Variants in NDST2 observed in about 807,000 individuals in gnomAD.
NDST2 encodes bifunctional heparan sulfate N-deacetylase/N-sulfotransferase 2.
In NDST2, 32 loss-of-function variants were observed where a neutral mutation model predicts 86.9. The ratio of observed to expected loss-of-function variants is 0.37; its 90% CI spans 0.28 to 0.49. The LOEUF (loss-of-function observed/expected upper bound fraction) is 0.49. Among genes scored for constraint, NDST2 ranks in the 20% least tolerant of loss-of-function variants. NDST2 has a pLI of 0.97. For missense variants in NDST2, 950 were observed against 1,146.9 expected, an observed-to-expected ratio of 0.83 and a Z score of 2.48; for synonymous variants, 409 against 437.0, an observed-to-expected ratio of 0.94 and a Z score of 0.80.
rs868341014 is a variant in NDST2 at position 73,806,378 on chromosome 10, C to G, written c.1345G>C (p.Val449Leu). 5 of 1,614,090 alleles carry G rather than the reference C, an allele frequency of 3.1e-6. No individual in the cohort carries two copies. Among genetic ancestry groups the G allele is most frequent in the Non-Finnish European group, 4.2e-6 (5 of 1,179,996 alleles). ...HTQLYEAWKS[V>L]WGIQVTSTEE... ...GTGCTGGTCACCTGGATGCCCCACA[C>G]GGATTTCCAGGCCTCATAGAGCTGC... The change falls in exon 6 of 15, where the codon GTG becomes CTG. Residue 449 changes from valine (V) to leucine (L), a missense_variant. Around this residue, in one of 5 missense-constraint regions of NDST2, gnomAD observed 586 missense variants for 714.0 expected, o/e 0.82. Coordinates refer to ENST00000309979, the MANE Select transcript of NDST2 (RefSeq NM_003635.4). This position sits in a 1 kb window ranked among gnomAD's most constrained non-coding sequence, Gnocchi z 4.5.
chr10:73,811,450 G>GA (rs2132890216), intron 1 of NDST2, 24 bp downstream of exon 1: 1 of 152,254 alleles, frequency 6.6e-6, no homozygotes, highest in Non-Finnish European at 1.5e-5. Context: ...CGTGGGCGGG[G>GA]GGGTCTCCTC....
intron 11 of NDST2, 91 bp from the exon 12 acceptor site, chr10:73,803,450 G>A (rs534396769): frequency 1.9e-6 from 3 of 1,553,274 alleles, no homozygotes; most frequent in African/African-American, 2.7e-5. Flanking sequence ...CACAGCACGG[G>A]TACCCGTCCC....
chr10:73,802,902 C>T, intron 13 of NDST2, 70 bp downstream of exon 13: 1 of 1,538,886 alleles, frequency 6.5e-7, no homozygotes, highest in Non-Finnish European at 9.0e-7. Flanking sequence ...ATCTATGTCT[C>T]TAACAGACAT....
chr10:73,806,144 G>A lies in NDST2; in HGVS notation c.1435-116C>T. The A allele has an allele frequency of 2.0e-6, 3 of 1,528,504 alleles. No individual in the cohort carries two copies. The South Asian group carries it at 3.6e-5, about 18-fold the overall frequency. The allele number at this position is 1,528,504 out of a possible 1,614,324, so 94.7% of individuals were successfully genotyped here. ...GTTATAGCAATAAAGCTCTTACTGA[G>A]GGTGTTAAAATTTTTTCACCTTTCT... On this transcript the variant is annotated intron_variant, in intron 6 of 14. Coordinates refer to ENST00000309979, the MANE Select transcript of NDST2 (RefSeq NM_003635.4). The surrounding 1 kb of genome is among the most constrained non-coding windows in gnomAD (Gnocchi z 4.5).
rs927967121 is a variant in NDST2, at chr10:73,808,664, C to T, written c.-276G>A. The T allele has an allele frequency of 1.0e-5, 4 of 400,038 alleles. No homozygotes were observed. The highest frequency in any genetic ancestry group is 4.0e-5 in the Admixed American group (1 of 24,716). The allele number at this position is 400,038 out of a possible 1,614,324, so 24.8% of individuals were successfully genotyped here. On this transcript the variant is annotated 5_prime_UTR_variant, in exon 3 of 15. Coordinates refer to ENST00000309979, the MANE Select transcript of NDST2 (RefSeq NM_003635.4). This position sits in a 1 kb window ranked among gnomAD's most constrained non-coding sequence, Gnocchi z 4.3. ...TTCAGGCTGCAAATCTTGCCAGGCT[C>T]TCCCCTTGGCCCTGGCTGAGCGCCT...
At chr10:73,811,204 G>A (rs2084233813) in intron 1 of NDST2, among the ~76,000 whole-genome samples, 1 of 152,200 alleles carries the variant, frequency 6.6e-6, no homozygotes, top group South Asian at 2.1e-4. Flanking sequence ...CACCAAAGGG[G>A]AAGGGGCCAC....
chr10:73,810,195 ACG>A (rs1456932093), intron 2 of NDST2, among the ~76,000 whole-genome samples: 24 of 152,146 alleles, frequency 1.6e-4, no homozygotes, highest in African/African-American at 5.8e-4. Context: ...GTGGTGCCTC[ACG>A]CCTGTAATTC....
At chr10:73,811,387 G>C (rs1219945501) in intron 1 of NDST2, 87 bp downstream of exon 1, 1 of 152,518 alleles carries the variant, frequency 6.6e-6, no homozygotes, top group Non-Finnish European at 1.5e-5. Flanking sequence ...GACCCTGCGG[G>C]TGGTGATGGT....
At position 73,803,019 on chromosome 10, in the gene NDST2, C is replaced by T. The variant is rs1219895285; in HGVS notation, c.2376G>A (p.Gln792=). Residue 792 remains glutamine (Q), a synonymous_variant, in exon 13 of 15, where the codon CAG becomes CAA. Coordinates refer to ENST00000309979, the MANE Select transcript of NDST2 (RefSeq NM_003635.4). ...TNPAASMESI[Q]KFLGITPFLN... is the part of the protein sequence containing the mutation. ...GAAAGGGTGTGATACCCAGGAACTTCTGGATGCTCTCCATTGAGGCTGCTG... is the reference window on the plus strand; with the variant it reads ...GAAAGGGTGTGATACCCAGGAACTTTTGGATGCTCTCCATTGAGGCTGCTG... 6.2e-7 allele frequency: 1 copy of T among 1,614,224 alleles called. No individual in the cohort carries two copies. The highest frequency in any genetic ancestry group is 8.5e-7 in the Non-Finnish European group (1 of 1,180,048).
At chr10:73,805,865 C>G in intron 7 of NDST2, 35 bp downstream of exon 7, 1 of 1,613,834 alleles carries the variant, frequency 6.2e-7, no homozygotes, top group Non-Finnish European at 8.5e-7. Context: ...CACCTTGGCT[C>G]TCCAATCTTC....
At position 73,806,016 on chromosome 10, in the gene NDST2, G is replaced by C; in HGVS notation, c.1447C>G (p.Gln483Glu). The change falls in exon 7 of 15, where the codon CAG (glutamine) becomes GAG (glutamate). Residue 483 changes from glutamine (Q) to glutamate (E), a missense_variant. Gln to Glu is a conservative substitution (Grantham distance 29, BLOSUM62 2). Coordinates refer to ENST00000309979, the MANE Select transcript of NDST2 (RefSeq NM_003635.4). The surrounding 1 kb of genome is among the most constrained non-coding windows in gnomAD (Gnocchi z 4.5). Reference sequence around the variant, plus strand: ...GTGTGAGTGAAGAGGCCACATGTCTGCCGGGGCAGCACCTGGAGGGAAAAG... The same window carrying C: ...GTGTGAGTGAAGAGGCCACATGTCTCCCGGGGCAGCACCTGGAGGGAAAAG... ...IHNGIMVLPR[Q>E]TCGLFTHTIF... The C allele has an allele frequency of 6.2e-7, 1 of 1,613,772 alleles. No homozygotes were observed. The highest frequency in any genetic ancestry group is 8.5e-7 in the Non-Finnish European group (1 of 1,179,908).
chr10:73,811,810 G>T (rs1427519534), upstream of NDST2: 3 of 152,196 alleles, frequency 2.0e-5, no homozygotes, highest in Non-Finnish European at 4.4e-5. Context: ...TCCTCTCCGC[G>T]CGATGGCACT....
rs374571861 is a variant in NDST2, at chr10:73,803,257, G to A, written c.2245C>T (p.Arg749Cys). 17 of 1,614,088 alleles carry A rather than the reference G, an allele frequency of 1.1e-5. No individual in the cohort carries two copies. Among genetic ancestry groups the A allele is most frequent in the South Asian group, 3.3e-5 (3 of 91,086 alleles). The change falls in exon 12 of 15, where the codon CGC (arginine) becomes TGC (cysteine). Residue 749 changes from arginine to cysteine, a missense_variant. Transcript: ENST00000309979. ...TPLALRSLQN[R>C]CLVPGYYSTH... ...GAATAGTAGCCAGGGACAAGACAGC[G>A]GTTCTGCAGGGAGCGTAGTGCCAGA...
intron 8 of NDST2, 58 bp from the exon 9 acceptor site, chr10:73,804,927 G>GT: frequency 9.6e-7 from 1 of 1,038,044 alleles, no homozygotes; most frequent in Non-Finnish European, 1.4e-6. Flanking sequence ...TTGAGACGGA[G>GT]TTTCGTTCTT....
intron 2 of NDST2, among the ~76,000 whole-genome samples, chr10:73,810,084 T>A (rs1565101150): frequency 5.9e-5 from 9 of 151,978 alleles, no homozygotes. Flanking sequence ...TGGCAATCCC[T>A]CTCTACCACC....
Position 73,807,632 on chromosome 10 carries a change from G to C in NDST2, c.757C>G (p.Pro253Ala). 2 of 1,614,228 alleles carry C rather than the reference G, an allele frequency of 1.2e-6. No individual in the cohort carries two copies. Among genetic ancestry groups the C allele is most frequent in the Non-Finnish European group, 1.7e-6 (2 of 1,180,042 alleles). ...ASLRPAEPAV[P>A]GPVLRRARLP... ...CGGGCCCGACGAAGAACTGGTCCTGGCACTGCGGGCTCAGCTGGCCGAAGG... is the reference window on the plus strand; with the variant it reads ...CGGGCCCGACGAAGAACTGGTCCTGCCACTGCGGGCTCAGCTGGCCGAAGG... The change falls in exon 3 of 15, where the codon CCA becomes GCA. Residue 253 changes from proline to alanine, a missense_variant. By Grantham distance (27) the Pro-to-Ala change is conservative (BLOSUM62 -1). This residue lies in a region of NDST2 where 586 missense variants were observed against 714.0 expected (regional missense o/e 0.82). Coordinates refer to ENST00000309979, the MANE Select transcript of NDST2 (RefSeq NM_003635.4).
chr10:73,802,634 G>T (rs2084010228), intron 14 of NDST2, 40 bp downstream of exon 14: 4 of 1,614,090 alleles, frequency 2.5e-6, no homozygotes, highest in Non-Finnish European at 3.4e-6. Context: ...ATCAGATCCT[G>T]GAAGTGGAGA....
intron 11 of NDST2, 55 bp downstream of exon 11, chr10:73,803,519 T>TGGGGGGGGGCCGG: frequency 3.5e-6 from 2 of 565,898 alleles, no homozygotes; most frequent in Non-Finnish European, 6.8e-6. Context: ...GCAGTCACTG[T>TGGGGGGGGGCCGG]CCCCTCCCCC....
chr10:73,803,122 A>C, intron 12 of NDST2, 41 bp from the exon 13 acceptor site: 1 of 1,613,732 alleles, frequency 6.2e-7, no homozygotes, highest in Non-Finnish European at 8.5e-7. Context: ...ATTCCTAAGA[A>C]GCCTCTGGGC....
Sources: allele counts gnomAD v4.1 joint callset (sites outside exome capture counted in the v4.1 genomes callset), GRCh38; gene constraint gnomAD v4.1.1; regional missense constraint gnomAD v4.1.1; non-coding constraint Gnocchi (gnomAD v3.1); transcripts MANE v1.5; gene names NCBI Gene and HGNC (gene_info 2026-07-23, HGNC 2026-07-21).